The following PTP4A1 variants were observed in gnomAD, a reference collection of about 807,000 sequenced individuals.
The protein encoded by PTP4A1 is protein tyrosine phosphatase type IVA 1.
Under a neutral mutation model 20.5 loss-of-function variants are expected in PTP4A1, and 9 were observed. That is an observed-to-expected ratio of 0.44 (90% CI 0.26 to 0.77). PTP4A1 has a LOEUF of 0.77. Ranked by LOEUF, PTP4A1 falls within the 30% of genes least tolerant of loss-of-function variation. PTP4A1 has a pLI of 0.19. For missense variants in PTP4A1, 137 were observed against 218.8 expected, an observed-to-expected ratio of 0.63 and a Z score of 2.36; for synonymous variants, 78 against 67.4, an observed-to-expected ratio of 1.16 and a Z score of -0.77.
chr6:63,534,602 C>T (rs549226715), intron 2 of PTP4A1, among the ~76,000 whole-genome samples: 89 of 151,796 alleles, frequency 5.9e-4, no homozygotes, highest in Non-Finnish European at 7.7e-4. Context: ...ATTGCTTGAG[C>T]CCAAGAGTTA....
upstream of PTP4A1, among the ~76,000 whole-genome samples, chr6:63,519,939 A>G: frequency 6.6e-6 from 1 of 152,250 alleles, no homozygotes; most frequent in Non-Finnish European, 1.5e-5. Context: ...CATTCAACAC[A>G]TTAAAATTCA....
At chr6:63,560,796 A>G (rs1006987475) in intron 3 of PTP4A1, among the ~76,000 whole-genome samples, 38 of 152,308 alleles carry the variant, frequency 2.5e-4, no homozygotes, top group Non-Finnish European at 2.1e-4. Flanking sequence ...CTCAGTTTCT[A>G]TGCTTATCTC....
chr6:63,528,447 G>A (rs954382832), intron 2 of PTP4A1, among the ~76,000 whole-genome samples: 1 of 151,258 alleles, frequency 6.6e-6, no homozygotes, highest in Non-Finnish European at 1.5e-5. Context: ...TTTTAAGGCC[G>A]GGTACAGTGG....
intron 3 of PTP4A1, among the ~76,000 whole-genome samples, chr6:63,561,954 CATTTATCTGA>C (rs1391332740): frequency 1.3e-5 from 2 of 152,000 alleles, no homozygotes; most frequent in Non-Finnish European, 2.9e-5. Context: ...CCTCTTTGAG[CATTTATCTGA>C]AATGATTTTT....
In PTP4A1 at chr6:63,556,814, C is replaced by T. The variant is rs965604484; in HGVS notation, c.-446+6321C>T. Among the ~76,000 whole-genome samples the T allele has an allele frequency of 2.0e-5, 3 of 152,048 alleles. No individual in the cohort carries two copies. In the South Asian group the frequency reaches 6.2e-4, roughly 32 times the overall value. ...TGTTAATCGACTTTTACAAGAAATG[C>T]CCAAATATAACAAGCAGAAATTAGT... On this transcript the variant is annotated intron_variant, in intron 3 of 3. Coordinates refer to the PTP4A1 transcript ENST00000639568.
chr6:63,521,559 C>T (rs1562109935), upstream of PTP4A1, among the ~76,000 whole-genome samples: 1 of 152,152 alleles, frequency 6.6e-6, no homozygotes, highest in African/African-American at 2.4e-5. Flanking sequence ...TATTATACTA[C>T]CATTAACCAC....
intron 2 of PTP4A1, among the ~76,000 whole-genome samples, chr6:63,545,367 T>C (rs1562118781): frequency 1.3e-5 from 2 of 152,180 alleles, no homozygotes; most frequent in African/African-American, 4.8e-5. Context: ...CCCAGCACTT[T>C]GGGAGGCGGA....
intron 3 of PTP4A1, among the ~76,000 whole-genome samples, chr6:63,557,035 G>A (rs1488702822): frequency 6.6e-6 from 1 of 152,198 alleles, no homozygotes; most frequent in African/African-American, 2.4e-5. Flanking sequence ...CATGAAATAT[G>A]CTAGTTTCTT....
intron 2 of PTP4A1, among the ~76,000 whole-genome samples, chr6:63,540,001 T>C (rs1775888790): frequency 6.6e-6 from 1 of 152,158 alleles, no homozygotes; most frequent in Non-Finnish European, 1.5e-5. Flanking sequence ...TTCATGACTG[T>C]TGGTGGACAC....
rs1236672162 is a variant in PTP4A1 at position 63,580,948 on chromosome 6, A to G, written c.*774A>G. On this transcript the variant is annotated 3_prime_UTR_variant, in exon 6 of 6. Coordinates refer to ENST00000626021, the MANE Select transcript of PTP4A1 (RefSeq NM_003463.5). ...CCTGAGAAAAGAATGGGAGGGGGCT[A>G]TTAATTATTTTTAGCAAAATGTTGC... 6.6e-6 allele frequency: 1 copy of G among 152,482 alleles called. No individual in the cohort carries two copies. Among genetic ancestry groups the G allele is most frequent in the Non-Finnish European group, 1.5e-5 (1 of 68,002 alleles). 9.4% of individuals were successfully genotyped at this position (152,482 alleles called of 1,614,324 possible). A position where few individuals can be genotyped will look rare whatever the true frequency, so the allele number is the denominator to read the frequency against.
intron 3 of PTP4A1, among the ~76,000 whole-genome samples, chr6:63,559,448 T>TA (rs1305101261): frequency 6.6e-6 from 1 of 152,104 alleles, no homozygotes; most frequent in Admixed American, 6.6e-5. Flanking sequence ...TCATTTGGTT[T>TA]AAAAAATGAA....
intron 2 of PTP4A1, among the ~76,000 whole-genome samples, chr6:63,543,908 C>T (rs181355623): frequency 6.6e-6 from 1 of 152,258 alleles, no homozygotes; most frequent in East Asian, 1.9e-4. Context: ...CATTGATAGT[C>T]CCTTGTTATT....
upstream of PTP4A1, among the ~76,000 whole-genome samples, chr6:63,520,675 T>A (rs1345227579): frequency 7.2e-6 from 1 of 138,686 alleles, no homozygotes; most frequent in Admixed American, 7.2e-5. Flanking sequence ...ATAAATAAAA[T>A]GAAAATAGAT....
At position 63,535,294 on chromosome 6, in the gene PTP4A1, G is replaced by T. The variant is rs532096251; in HGVS notation, c.-640+7210G>T. Among the ~76,000 whole-genome samples the T allele has an allele frequency of 9.9e-4, 150 of 152,000 alleles. 3 individuals are homozygous for T. In the South Asian group the frequency reaches 0.029, roughly 30 times the overall value. ...AGCCTGGCCAACATGGTGAAACCCC[G>T]TTTCTACTAAAAATACAAAAAATAA... On this transcript the variant is annotated intron_variant, in intron 2 of 3. Transcript: ENST00000639568.
chr6:63,518,544 G>A (rs889811618), upstream of PTP4A1, among the ~76,000 whole-genome samples: 1 of 152,114 alleles, frequency 6.6e-6, no homozygotes, highest in African/African-American at 2.4e-5. Context: ...AGAGGGTGGG[G>A]GCAATGTAGG....
chr6:63,534,452 AACACACAC>A (rs61533550), intron 2 of PTP4A1, among the ~76,000 whole-genome samples: 10 of 144,508 alleles, frequency 6.9e-5, no homozygotes, highest in Admixed American at 2.8e-4. Flanking sequence ...CACACAGAGA[AACACACAC>A]ACACACACAC....
upstream of PTP4A1, chr6:63,572,062 G>A (rs1777457020): frequency 6.6e-6 from 1 of 152,236 alleles, no homozygotes; most frequent in African/African-American, 2.4e-5. Context: ...ACTGAGACGC[G>A]GTTCCAGCCC....
chr6:63,549,314 C>T lies in PTP4A1; in HGVS notation c.-639-986C>T, dbSNP rs1254894837. 18 of 752,618 alleles carry T rather than the reference C, an allele frequency of 2.4e-5. No individual in the cohort carries two copies. The African/African-American group carries it at 2.6e-4, about 11-fold the overall frequency. 46.6% of individuals were successfully genotyped at this position (752,618 alleles called of 1,614,324 possible). On this transcript the variant is annotated intron_variant, in intron 2 of 3. Transcript: ENST00000639568. ...GCCACTTACAGAGGATGGCTCTCTG[C>T]CGCTGCAACCTGATATAGTGGGGGC...
chr6:63,517,205 T>G (rs544679795), upstream of PTP4A1, among the ~76,000 whole-genome samples: 1 of 152,256 alleles, frequency 6.6e-6, no homozygotes, highest in Non-Finnish European at 1.5e-5. Flanking sequence ...AAATAAAATA[T>G]ATCTGGAAAG....
Sources: allele counts gnomAD v4.1 joint callset (sites outside exome capture counted in the v4.1 genomes callset), GRCh38; gene constraint gnomAD v4.1.1; transcripts MANE v1.5; gene names NCBI Gene and HGNC (gene_info 2026-07-23, HGNC 2026-07-21).